The following DAB1 variants were observed in gnomAD, a reference collection of about 807,000 sequenced individuals.
DAB1 encodes the protein disabled homolog 1.
Under a neutral mutation model 64.6 loss-of-function variants are expected in DAB1, and 15 were observed. The ratio of observed to expected loss-of-function variants is 0.23; its 90% confidence interval spans 0.16 to 0.36. The LOEUF is 0.36. DAB1 is among the 10% of genes least tolerant of loss of function. The pLI is 1.00. For synonymous variants in DAB1, 235 were observed against 251.9 expected (o/e 0.93, Z 0.64); for missense variants, 596 against 706.7 (o/e 0.84, Z 1.78).
At chr1:57,783,929 C>T (rs907288685) in intron 6 of DAB1, among the ~76,000 whole-genome samples, 3 of 152,148 alleles carry the variant, frequency 2.0e-5, no homozygotes, top group Non-Finnish European at 4.4e-5. Context: ...TTCTCCATTT[C>T]CCAAGATACA....
At chr1:57,530,165 T>A (rs1644644787) in intron 7 of DAB1, among the ~76,000 whole-genome samples, 1 of 152,170 alleles carries the variant, frequency 6.6e-6, no homozygotes, top group South Asian at 2.1e-4. Context: ...AAGCACACTA[T>A]ATTGGGTCCT....
chr1:57,553,146 A>G (rs536237294), intron 7 of DAB1, among the ~76,000 whole-genome samples: 1 of 151,936 alleles, frequency 6.6e-6, no homozygotes, highest in Admixed American at 6.6e-5. Context: ...AATCTGAGGT[A>G]CCTATGGGTG....
intron 14 of DAB1, among the ~76,000 whole-genome samples, chr1:57,002,410 A>G (rs1230419432): frequency 6.6e-6 from 1 of 152,168 alleles, no homozygotes; most frequent in East Asian, 1.9e-4. Context: ...ATGTATCACA[A>G]GATTTGGGCT....
chr1:57,853,611 A>G (rs72666124), intron 1 of DAB1, among the ~76,000 whole-genome samples: 11,518 of 152,294 alleles, frequency 0.076, 672 homozygotes, highest in Admixed American at 0.21. Context: ...TGAATTAATG[A>G]ATAAGTGAAC....
chr1:58,383,933 T>C (rs1255523373), intron 3 of DAB1, among the ~76,000 whole-genome samples: 1 of 152,190 alleles, frequency 6.6e-6, no homozygotes, highest in East Asian at 1.9e-4. Context: ...AGTTCTATTT[T>C]TAATTTTTGA....
chr1:57,716,039 A>G (rs914683440), intron 6 of DAB1, among the ~76,000 whole-genome samples: 3 of 152,156 alleles, frequency 2.0e-5, no homozygotes, highest in Non-Finnish European at 4.4e-5. Flanking sequence ...CCTCCTGAGA[A>G]GCTGGGATTA....
chr1:57,306,584 TC>T (rs1343744457), intron 1 of DAB1, among the ~76,000 whole-genome samples: 3 of 134,460 alleles, frequency 2.2e-5, no homozygotes, highest in Non-Finnish European at 4.7e-5. Context: ...CCACAAGAAA[TC>T]CCCCCAGGCT....
At chr1:57,484,134 G>A (rs1042826438) in intron 7 of DAB1, among the ~76,000 whole-genome samples, 1 of 152,098 alleles carries the variant, frequency 6.6e-6, no homozygotes, top group African/African-American at 2.4e-5. Flanking sequence ...AACATGGAGG[G>A]TAAAAGCCAG....
intron 7 of DAB1, among the ~76,000 whole-genome samples, chr1:57,571,408 T>C (rs907801882): frequency 1.3e-5 from 2 of 152,236 alleles, no homozygotes; most frequent in Admixed American, 1.3e-4. Context: ...AGTCTGTGTA[T>C]ACCAGCCCTC....
chr1:57,310,748 C>T (rs1265489844), intron 1 of DAB1, among the ~76,000 whole-genome samples: 2 of 152,226 alleles, frequency 1.3e-5, no homozygotes, highest in East Asian at 1.9e-4. Flanking sequence ...TGTCATTTCT[C>T]TGCAGAACAA....
intron 4 of DAB1, among the ~76,000 whole-genome samples, chr1:58,274,996 G>A (rs753669688): frequency 1.1e-4 from 16 of 152,090 alleles, no homozygotes; most frequent in East Asian, 3.9e-4. Context: ...GCTGTAGACC[G>A]GAGCTGTTCC....
At chr1:57,638,835 A>G (rs989155895) in intron 7 of DAB1, among the ~76,000 whole-genome samples, 30 of 152,126 alleles carry the variant, frequency 2.0e-4, no homozygotes, top group African/African-American at 7.0e-4. Context: ...GGAAACAAAT[A>G]CAAGGGTGTG....
intron 7 of DAB1, among the ~76,000 whole-genome samples, chr1:57,632,304 G>A (rs1323916660): frequency 6.6e-6 from 1 of 152,164 alleles, no homozygotes; most frequent in Non-Finnish European, 1.5e-5. Context: ...CTAAATTAAA[G>A]TGTTATTAGA....
intron 6 of DAB1, among the ~76,000 whole-genome samples, chr1:57,807,229 A>G (rs1033987171): frequency 2.0e-5 from 3 of 152,142 alleles, no homozygotes; most frequent in Admixed American, 2.0e-4. Context: ...TTGTATACTT[A>G]CTCTGCCCCT....
At chr1:57,769,149 A>G (rs1236100093) in intron 6 of DAB1, among the ~76,000 whole-genome samples, 3 of 152,144 alleles carry the variant, frequency 2.0e-5, no homozygotes, top group Admixed American at 1.3e-4. Context: ...GTGGGCTATT[A>G]AGAAAATGAA....
chr1:58,016,949 C>G (rs1646749158), intron 5 of DAB1, among the ~76,000 whole-genome samples: 1 of 152,170 alleles, frequency 6.6e-6, no homozygotes. Flanking sequence ...GCGCTCTGAT[C>G]TTCAGGACAA....
At chr1:58,453,446 A>G (rs1645161008) in intron 3 of DAB1, among the ~76,000 whole-genome samples, 1 of 152,184 alleles carries the variant, frequency 6.6e-6, no homozygotes, top group Non-Finnish European at 1.5e-5. Flanking sequence ...CTTTGCTCAC[A>G]CTGTCCCAAC....
At chr1:57,962,786 T>G (rs1365037783) in intron 5 of DAB1, among the ~76,000 whole-genome samples, 6 of 151,430 alleles carry the variant, frequency 4.0e-5, no homozygotes, top group Non-Finnish European at 8.8e-5. Flanking sequence ...GGTGGGAGGA[T>G]GACTTGAGCC....
At chr1:57,909,614 C>T (rs900168366) in intron 5 of DAB1, among the ~76,000 whole-genome samples, 8 of 152,034 alleles carry the variant, frequency 5.3e-5, no homozygotes, top group Middle Eastern at 3.2e-3. Context: ...CAGCTATCTA[C>T]TGGGTAATAA....
Sources: allele counts gnomAD v4.1 joint callset (sites outside exome capture counted in the v4.1 genomes callset), GRCh38; gene constraint gnomAD v4.1.1; transcripts MANE v1.5; gene names NCBI Gene and HGNC (gene_info 2026-07-23, HGNC 2026-07-21).